The following MAP3K3 variants were observed in gnomAD, a reference collection of about 807,000 sequenced individuals.
MAP3K3 encodes the protein mitogen-activated protein kinase kinase kinase 3.
Under a neutral mutation model 80.9 loss-of-function variants are expected in MAP3K3, and 12 were observed. That is an observed-to-expected ratio of 0.15 (90% CI 0.10 to 0.24). MAP3K3 has a LOEUF of 0.24. Among genes scored for constraint, MAP3K3 ranks in the 10% least tolerant of loss-of-function variants. The pLI, the probability that MAP3K3 is intolerant of heterozygous loss-of-function variation, is 1.00. For missense variants in MAP3K3, 596 were observed against 834.7 expected, an observed-to-expected ratio of 0.71 and a Z score of 3.52; for synonymous variants, 272 against 307.1, an observed-to-expected ratio of 0.89 and a Z score of 1.19.
intron 2 of MAP3K3, among the ~76,000 whole-genome samples, chr17:63,640,536 G>A (rs2034418772): frequency 6.6e-6 from 1 of 152,106 alleles, no homozygotes; most frequent in African/African-American, 2.4e-5. Flanking sequence ...TTTTTAATTT[G>A]TAGCAGACTC....
At chr17:63,667,857 C>G (rs926031977) in intron 6 of MAP3K3, among the ~76,000 whole-genome samples, 1 of 152,018 alleles carries the variant, frequency 6.6e-6, no homozygotes, top group Non-Finnish European at 1.5e-5. Context: ...ATATGGAGGG[C>G]CAACTATATA....
At chr17:63,678,423 T>G (rs2035263395) in intron 6 of MAP3K3, among the ~76,000 whole-genome samples, 1 of 152,200 alleles carries the variant, frequency 6.6e-6, no homozygotes, top group South Asian at 2.1e-4. Flanking sequence ...TACCACTTTA[T>G]CTCAGAATTG....
At position 63,670,373 on chromosome 17, in the gene MAP3K3, A is replaced by G. The variant is rs371209476; in HGVS notation, c.502+3313A>G. ...CGAGGTGAGTGGATTGCTTGAGGCC[A>G]GGAGTTTGAGACCAGCCTGACCAAC... On this transcript the variant is annotated intron_variant, in intron 6 of 15. Coordinates refer to ENST00000361733, the MANE Select transcript of MAP3K3 (RefSeq NM_002401.5). Among the ~76,000 whole-genome samples the G allele has an allele frequency of 3.9e-5, 6 of 152,188 alleles. No individual in the cohort carries two copies. The East Asian group carries it at 9.7e-4, about 25-fold the overall frequency.
intron 6 of MAP3K3, among the ~76,000 whole-genome samples, chr17:63,669,645 G>T (rs1464692690): frequency 3.3e-5 from 5 of 152,008 alleles, no homozygotes; most frequent in Non-Finnish European, 7.4e-5. Flanking sequence ...AGTAGAGACG[G>T]GATTTCGCCA....
At chr17:63,673,800 A>C (rs1598104662) in intron 6 of MAP3K3, among the ~76,000 whole-genome samples, 1 of 152,086 alleles carries the variant, frequency 6.6e-6, no homozygotes, top group African/African-American at 2.4e-5. Flanking sequence ...AATTCGAGCT[A>C]CTCGGCTGCT....
chr17:63,651,223 C>T (rs561184149), intron 3 of MAP3K3, among the ~76,000 whole-genome samples: 1 of 152,228 alleles, frequency 6.6e-6, no homozygotes, highest in African/African-American at 2.4e-5. Flanking sequence ...GTGGCTTACA[C>T]CTATAATACC....
At chr17:63,683,448 C>G (rs1300682132) in intron 7 of MAP3K3, among the ~76,000 whole-genome samples, 2 of 152,164 alleles carry the variant, frequency 1.3e-5, no homozygotes, top group Non-Finnish European at 2.9e-5. Flanking sequence ...CTTGATTGCC[C>G]TCAGTCTATG....
chr17:63,659,801 G>A (rs962736734), intron 5 of MAP3K3, among the ~76,000 whole-genome samples: 3 of 151,814 alleles, frequency 2.0e-5, no homozygotes, highest in African/African-American at 7.3e-5. Flanking sequence ...AAAGTACTGG[G>A]ACAGGCATGA....
rs376570118 is a variant in MAP3K3, at chr17:63,693,564, T to C, written c.1668T>C (p.Thr556=). 51 of 1,606,952 alleles carry C rather than the reference T, an allele frequency of 3.2e-5. No individual in the cohort carries two copies. The highest frequency in any genetic ancestry group is 3.7e-5 in the Non-Finnish European group (44 of 1,177,064). ...RKADVWSLGC[T]VVEMLTEKPP... ...CTCTTTCCAGGAGCCTGGGCTGCAC[T>C]GTGGTGGAGATGCTGACAGAGAAAC... Residue 556 remains threonine, a synonymous_variant, in exon 16 of 16, where the codon ACT becomes ACC. Coordinates refer to ENST00000361733, the MANE Select transcript of MAP3K3 (RefSeq NM_002401.5). The surrounding 1 kb of genome is among the most constrained non-coding windows in gnomAD (Gnocchi z 4.2).
At chr17:63,661,073 T>A (rs969807165) in intron 5 of MAP3K3, among the ~76,000 whole-genome samples, 4 of 152,184 alleles carry the variant, frequency 2.6e-5, no homozygotes, top group African/African-American at 7.2e-5. Context: ...TCTTTTTTTT[T>A]ATTTTGAGGC....
intron 3 of MAP3K3, among the ~76,000 whole-genome samples, chr17:63,648,501 G>A (rs892150882): frequency 3.9e-5 from 6 of 152,086 alleles, no homozygotes; most frequent in Non-Finnish European, 8.8e-5. Context: ...TCACTGCTTG[G>A]GACAGTTGAT....
intron 6 of MAP3K3, among the ~76,000 whole-genome samples, chr17:63,669,490 A>G (rs1291399189): frequency 6.7e-6 from 1 of 150,220 alleles, no homozygotes; most frequent in Non-Finnish European, 1.5e-5. Flanking sequence ...TTTTTTCTCG[A>G]GACAGAGTCT....
intron 3 of MAP3K3, among the ~76,000 whole-genome samples, chr17:63,649,431 C>CAAA (rs1264323299): frequency 1.2e-5 from 1 of 85,712 alleles, no homozygotes; most frequent in Non-Finnish European, 2.3e-5. Flanking sequence ...GACTCCATCT[C>CAAA]AAAAAAAAAA....
At position 63,693,982 on chromosome 17, in the gene MAP3K3, T is replaced by G. The variant is rs1183609791; in HGVS notation, c.*205T>G. The G allele has an allele frequency of 3.4e-5, 18 of 529,416 alleles. No homozygotes were observed. The highest frequency in any genetic ancestry group is 5.3e-5 in the Non-Finnish European group (16 of 301,456). 32.8% of individuals were successfully genotyped at this position (529,416 alleles called of 1,614,324 possible). A position where few individuals can be genotyped will look rare whatever the true frequency, so the allele number is the denominator to read the frequency against. ...GCCTCAGGACTGGGAGCCCCCAGCC[T>G]GTCAGATCCAGGAGCTCCAGTGTCC... On this transcript the variant is annotated 3_prime_UTR_variant, in exon 16 of 16. Transcript: ENST00000361733. This position sits in a 1 kb window ranked among gnomAD's most constrained non-coding sequence, Gnocchi z 4.2.
At chr17:63,622,943 G>A (rs927030880) in intron 1 of MAP3K3, among the ~76,000 whole-genome samples, 180 bp downstream of exon 1, 1 of 146,618 alleles carries the variant, frequency 6.8e-6, no homozygotes, top group African/African-American at 2.4e-5. Context: ...CCGGGCGGGG[G>A]TTCTGGCTCC....
chr17:63,662,996 T>TCA (rs1372648031), intron 5 of MAP3K3, among the ~76,000 whole-genome samples: 1 of 151,708 alleles, frequency 6.6e-6, no homozygotes, highest in Non-Finnish European at 1.5e-5. Flanking sequence ...TTCTTAGAAT[T>TCA]ATTGTAGTCC....
rs372906669 is a variant in MAP3K3, at chr17:63,691,071, G to T, written c.1213-31G>T. 3.7e-5 allele frequency: 60 copies of T among 1,612,998 alleles called. No individual in the cohort carries two copies. Among genetic ancestry groups the T allele is most frequent in the East Asian group, 2.9e-4 (13 of 44,848 alleles). On this transcript the variant is annotated intron_variant, in intron 12 of 15. Transcript: ENST00000361733. This position sits in a 1 kb window ranked among gnomAD's most constrained non-coding sequence, Gnocchi z 4.8. ...CAGGCGGGCAGAACTAGGGCCCTGA[G>T]AGCTGAGGCGACCACTGACCCCTCC...
intron 6 of MAP3K3, among the ~76,000 whole-genome samples, chr17:63,680,660 G>GT (rs1453944302): frequency 6.6e-6 from 1 of 152,154 alleles, no homozygotes. Context: ...TGTGTCATTT[G>GT]TAAGACTGCA....
intron 5 of MAP3K3, among the ~76,000 whole-genome samples, chr17:63,663,370 C>T (rs550941277): frequency 9.9e-5 from 15 of 152,142 alleles, no homozygotes; most frequent in East Asian, 5.8e-4. Flanking sequence ...AGCGTGGTGG[C>T]GCATGCCCGC....
Sources: gnomAD v4.1 joint callset for allele counts (sites outside exome capture counted in the v4.1 genomes callset) on GRCh38, gnomAD v4.1.1 for gene constraint, Gnocchi (gnomAD v3.1) non-coding constraint, MANE v1.5 for transcripts, NCBI Gene and HGNC (gene_info 2026-07-23, HGNC 2026-07-21) for gene names.